Variants in PRKCD observed in about 807,000 individuals in gnomAD.
PRKCD encodes protein kinase C delta, also known as protein kinase C delta type.
A neutral mutation model predicts 82.2 loss-of-function variants in PRKCD; 20 were observed. That is an observed-to-expected ratio of 0.24 (90% CI 0.17 to 0.35). The LOEUF (loss-of-function observed/expected upper bound fraction) is 0.35, where lower values mean the gene tolerates loss of function less well. Among genes scored for constraint, PRKCD ranks in the 10% least tolerant of loss-of-function variants. The probability of loss-of-function intolerance (pLI) is 1.00; values close to 1 mark genes in which losing one functional copy is unlikely to be tolerated. For missense variants in PRKCD, 607 were observed against 899.0 expected (o/e 0.68, Z 4.15); for synonymous variants, 317 against 337.0 (o/e 0.94, Z 0.65).
At chr3:53,185,482 C>A (rs1030568142) in intron 10 of PRKCD, 122 bp from the exon 11 acceptor site, 18 of 793,460 alleles carry the variant, frequency 2.3e-5, no homozygotes, top group South Asian at 4.8e-5. Context: ...GGGGCCTGGG[C>A]TGTGCCCCTG....
chr3:53,164,165 G>A (rs1702759916), intron 1 of PRKCD, among the ~76,000 whole-genome samples: 1 of 152,148 alleles, frequency 6.6e-6, no homozygotes, highest in South Asian at 2.1e-4. Flanking sequence ...GAGACACAGA[G>A]TACCTTGCTA....
At chr3:53,190,364 C>T (rs1252388222) in intron 18 of PRKCD, among the ~76,000 whole-genome samples, 2 of 152,132 alleles carry the variant, frequency 1.3e-5, no homozygotes, top group Non-Finnish European at 2.9e-5. Context: ...GTCCCAGAAC[C>T]GGAGGAGCTC....
chr3:53,179,758 T>A lies in PRKCD; in HGVS notation c.297T>A (p.Asn99Lys), dbSNP rs561142814. 3.1e-5 allele frequency: 48 copies of A among 1,567,160 alleles called. 1 individual carries two copies. The Admixed American group carries it at 5.1e-4, about 17-fold the overall frequency. Residue 99 changes from asparagine (N) to lysine (K), a missense_variant, in exon 4 of 19, where the codon AAT (asparagine) becomes AAA (lysine). Asn to Lys is a moderately conservative substitution (Grantham distance 94). Around this residue, in one of 5 missense-constraint regions of PRKCD, gnomAD observed 161 missense variants for 227.0 expected, o/e 0.71. Transcript: ENST00000330452. ...SVLAERCKKNNGKAEFWLDLQ... is the reference protein window; with the variant it reads ...SVLAERCKKNKGKAEFWLDLQ... ...TGGCCGAGCGCTGCAAGAAGAACAA[T>A]GGCAAGGCTGAGTTCTGGGTAAGGG...
intron 15 of PRKCD, among the ~76,000 whole-genome samples, chr3:53,188,135 C>T (rs937684148): frequency 4.6e-5 from 6 of 130,394 alleles, no homozygotes; most frequent in Admixed American, 9.2e-5. Context: ...TTGCAGTGAG[C>T]TGAGATCATG....
At chr3:53,184,307 C>T (rs1703585693) in intron 9 of PRKCD, among the ~76,000 whole-genome samples, 1 of 149,884 alleles carries the variant, frequency 6.7e-6, no homozygotes, top group African/African-American at 2.5e-5. Flanking sequence ...TGTACTCCAG[C>T]CTGGGTGACA....
In PRKCD at chr3:53,179,756, A is replaced by C; in HGVS notation, c.295A>C (p.Asn99His). 1 of 1,570,824 alleles carries C rather than the reference A, an allele frequency of 6.4e-7. No individual in the cohort carries two copies. The highest frequency in any genetic ancestry group is 8.6e-7 in the Non-Finnish European group (1 of 1,156,678). Residue 99 changes from asparagine to histidine, a missense_variant, in exon 4 of 19, where the codon AAT becomes CAT. Physicochemically the swap from Asn to His is moderately conservative, Grantham distance 68. This residue lies in a region of PRKCD where 161 missense variants were observed against 227.0 expected (regional missense o/e 0.71). Coordinates refer to ENST00000330452, the MANE Select transcript of PRKCD (RefSeq NM_006254.4). ...GCTGGCCGAGCGCTGCAAGAAGAAC[A>C]ATGGCAAGGCTGAGTTCTGGGTAAG... ...SVLAERCKKN[N>H]GKAEFWLDLQ...
intron 1 of PRKCD, among the ~76,000 whole-genome samples, chr3:53,163,832 C>G (rs1702750274): frequency 6.6e-6 from 1 of 152,142 alleles, no homozygotes; most frequent in South Asian, 2.1e-4. Flanking sequence ...AGACAGAGCC[C>G]CCAGTACCCA....
At chr3:53,185,790 C>T (rs782697592) in intron 11 of PRKCD, 90 bp downstream of exon 11, 5 of 1,520,020 alleles carry the variant, frequency 3.3e-6, no homozygotes, top group East Asian at 2.3e-5. Context: ...TCAAGTGAGA[C>T]ATGGAAGGAA....
chr3:53,180,804 A>G (rs1344179892), intron 4 of PRKCD, among the ~76,000 whole-genome samples: 1 of 152,138 alleles, frequency 6.6e-6, no homozygotes, highest in Non-Finnish European at 1.5e-5. Flanking sequence ...AGGGAGGAGC[A>G]GCGTGTGTGC....
intron 13 of PRKCD, 69 bp from the exon 14 acceptor site, chr3:53,186,535 C>A: frequency 6.8e-7 from 1 of 1,470,590 alleles, no homozygotes; most frequent in Non-Finnish European, 9.4e-7. Context: ...GGGGCTTGGC[C>A]CCAGTGGCCC....
rs1553664416 is a variant in PRKCD at position 53,169,182 on chromosome 3, G to T, written c.-20+3967G>T. 6.6e-6 allele frequency among the ~76,000 whole-genome samples: 1 copy of T among 152,038 alleles called. No homozygotes were observed. Among genetic ancestry groups the T allele is most frequent in the African/African-American group, 2.4e-5 (1 of 41,384 alleles). ...CGTGCACTCCTAGTGGATGAGGAGC[G>T]CTGGGAGGGGAACGGCGGGGGACTG... On this transcript the variant is annotated intron_variant, in intron 2 of 18. Transcript: ENST00000330452. This position sits in a 1 kb window ranked among gnomAD's most constrained non-coding sequence, Gnocchi z 4.7.
At chr3:53,190,320 C>T (rs1418458866) in intron 18 of PRKCD, among the ~76,000 whole-genome samples, 1 of 152,214 alleles carries the variant, frequency 6.6e-6, no homozygotes, top group African/African-American at 2.4e-5. Flanking sequence ...ATGCAGAGCA[C>T]AGTGCTGGGC....
At position 53,183,209 on chromosome 3, in the gene PRKCD, G is replaced by A. The variant is rs199785209; in HGVS notation, c.657+3G>A. 85 of 1,614,010 alleles carry A rather than the reference G, an allele frequency of 5.3e-5. 1 individual carries two copies. The Middle Eastern group carries it at 8.3e-4, about 16-fold the overall frequency. On this transcript the variant is annotated splice_donor_region_variant and intron_variant, in intron 8 of 18. Transcript: ENST00000330452. ...CGGCCAACAGCCGGGACACTATAGTGAGCCTGGGTCCGGGGCAGGGCTGGG... is the reference window on the plus strand; with the variant it reads ...CGGCCAACAGCCGGGACACTATAGTAAGCCTGGGTCCGGGGCAGGGCTGGG...
In PRKCD at chr3:53,183,282, C is replaced by A. The variant is rs1354195544; in HGVS notation, c.657+76C>A. The stretch of plus-strand genomic sequence containing the variant: ...GGGAGGGATTTGCACCCTCTCCCCA[C>A]CCTCCCTGGGGAGCTTACCCTCCCT... On this transcript the variant is annotated intron_variant, in intron 8 of 18. Transcript: ENST00000330452. 8 of 1,556,912 alleles carry A rather than the reference C, an allele frequency of 5.1e-6. No individual in the cohort carries two copies. In the African/African-American group the frequency reaches 6.8e-5, roughly 13 times the overall value.
intron 18 of PRKCD, among the ~76,000 whole-genome samples, chr3:53,191,632 A>G (rs1283657180): frequency 6.6e-6 from 1 of 152,200 alleles, no homozygotes; most frequent in South Asian, 2.1e-4. Flanking sequence ...TTCAGGCTTG[A>G]TGGTCTCAAA....
intron 18 of PRKCD, among the ~76,000 whole-genome samples, chr3:53,190,233 A>G (rs1202349243): frequency 6.6e-6 from 1 of 152,198 alleles, no homozygotes; most frequent in Non-Finnish European, 1.5e-5. Flanking sequence ...GTTTTGGGAA[A>G]TAGAGTTAAG....
At chr3:53,182,205 C>T (rs1260664219) in intron 7 of PRKCD, among the ~76,000 whole-genome samples, 3 of 152,166 alleles carry the variant, frequency 2.0e-5, no homozygotes, top group Non-Finnish European at 4.4e-5. Context: ...CCAGCTCTAC[C>T]ACTTCCTAGC....
intron 2 of PRKCD, among the ~76,000 whole-genome samples, chr3:53,170,996 C>T (rs994059694): frequency 2.6e-5 from 4 of 151,856 alleles, no homozygotes; most frequent in African/African-American, 4.8e-5. Flanking sequence ...AGTGTGTGTA[C>T]GTACCTGTGG....
intron 2 of PRKCD, among the ~76,000 whole-genome samples, chr3:53,174,054 G>A (rs1409449814): frequency 3.3e-5 from 5 of 152,180 alleles, no homozygotes; most frequent in African/African-American, 1.2e-4. Context: ...TCACTTACTG[G>A]CTGTGTGACC....
Sources: gnomAD v4.1 joint callset for allele counts (sites outside exome capture counted in the v4.1 genomes callset) on GRCh38, gnomAD v4.1.1 for gene constraint, gnomAD v4.1.1 regional missense constraint, Gnocchi (gnomAD v3.1) non-coding constraint, MANE v1.5 for transcripts, NCBI Gene and HGNC (gene_info 2026-07-23, HGNC 2026-07-21) for gene names.